Variants in SYN2 observed in about 807,000 individuals in gnomAD.
SYN2 encodes synapsin II, also known as synapsin-2.
A neutral mutation model predicts 50.9 loss-of-function variants in SYN2; 19 were observed. The observed-to-expected ratio is 0.37, with a 90% CI of 0.26 to 0.55. The LOEUF is 0.55. Among genes scored for constraint, SYN2 ranks in the 20% least tolerant of loss-of-function variants. The pLI is 0.81. For synonymous variants in SYN2, 255 were observed against 224.9 expected (o/e 1.13, Z -1.20); for missense variants, 587 against 576.4 (o/e 1.02, Z -0.19).
intron 5 of SYN2, chr3:12,156,940 AG>A (rs1180478479): frequency 5.0e-6 from 8 of 1,608,442 alleles, no homozygotes; most frequent in Non-Finnish European, 6.8e-6. Context: ...AACATCTGAC[AG>A]GCAATTACAA....
chr3:12,177,358 T>C (rs1559455640), intron 10 of SYN2, among the ~76,000 whole-genome samples: 1 of 152,206 alleles, frequency 6.6e-6, no homozygotes, highest in Non-Finnish European at 1.5e-5. Context: ...AGTGTTAGTG[T>C]ATGTGTGGCC....
At chr3:12,024,174 T>G (rs80062906) in intron 1 of SYN2, among the ~76,000 whole-genome samples, 1 of 66,504 alleles carries the variant, frequency 1.5e-5, no homozygotes, top group Non-Finnish European at 2.9e-5. Context: ...TTTTTTTTTT[T>G]GAGACAGAGT....
intron 1 of SYN2, among the ~76,000 whole-genome samples, chr3:12,028,118 T>C (rs1000425327): frequency 2.6e-4 from 36 of 138,780 alleles, no homozygotes; most frequent in African/African-American, 8.0e-4. Flanking sequence ...AGTGAGAATA[T>C]GCGGTGTTTG....
At position 12,190,808 on chromosome 3, in the gene SYN2, G is replaced by A; in HGVS notation, c.*183G>A. ...GGACCATTTGACAGTCTCAGGGCAG[G>A]TGCCTACCCAGCAAGGGGTACCTGG... On this transcript the variant is annotated 3_prime_UTR_variant, in exon 13 of 13. Coordinates refer to ENST00000621198, the MANE Select transcript of SYN2 (RefSeq NM_133625.6). The A allele has an allele frequency of 1.5e-6, 2 of 1,362,062 alleles. No individual in the cohort carries two copies. The highest frequency in any genetic ancestry group is 1.9e-6 in the Non-Finnish European group (2 of 1,064,676). The allele number at this position is 1,362,062 out of a possible 1,614,324, so 84.4% of individuals were successfully genotyped here.
intron 1 of SYN2, among the ~76,000 whole-genome samples, chr3:12,074,392 T>G (rs553740733): frequency 6.6e-6 from 1 of 152,316 alleles, no homozygotes; most frequent in South Asian, 2.1e-4. Context: ...GTTGTCTTTT[T>G]CTTTCCTGCC....
intron 1 of SYN2, among the ~76,000 whole-genome samples, chr3:12,049,892 A>T (rs1163562681): frequency 6.6e-6 from 1 of 152,184 alleles, no homozygotes; most frequent in Non-Finnish European, 1.5e-5. Context: ...AGCAGGCACC[A>T]GAACTGTGCA....
At chr3:12,026,016 C>G (rs984893840) in intron 1 of SYN2, among the ~76,000 whole-genome samples, 1 of 152,134 alleles carries the variant, frequency 6.6e-6, no homozygotes, top group African/African-American at 2.4e-5. Context: ...ATAGAAAGAG[C>G]TTATAGGTGC....
chr3:12,158,508 T>C (rs1016671206), intron 5 of SYN2: 6 of 719,982 alleles, frequency 8.3e-6, no homozygotes, highest in Non-Finnish European at 1.3e-5. Flanking sequence ...TTCATTTCCT[T>C]ATGAATCAGT....
intron 1 of SYN2, among the ~76,000 whole-genome samples, chr3:12,018,221 T>C (rs1442886750): frequency 4.6e-5 from 7 of 152,164 alleles, no homozygotes; most frequent in African/African-American, 1.7e-4. Context: ...CTTTGAAAGA[T>C]GAGTGGGATT....
chr3:12,128,863 T>C (rs1696728526), intron 1 of SYN2, among the ~76,000 whole-genome samples: 2 of 152,156 alleles, frequency 1.3e-5, no homozygotes, highest in Admixed American at 1.3e-4. Context: ...CTTGATACTT[T>C]ACATTCTCAT....
intron 5 of SYN2, among the ~76,000 whole-genome samples, chr3:12,155,519 A>G (rs1048885157): frequency 6.6e-6 from 1 of 152,116 alleles, no homozygotes; most frequent in Admixed American, 6.5e-5. Context: ...CTGGCAGCAT[A>G]CCTTCTGCAA....
At position 12,190,932 on chromosome 3, in the gene SYN2, C is replaced by CA; in HGVS notation, c.*308dup. 9.0e-7 allele frequency: 1 copy of CA among 1,111,516 alleles called. No homozygotes were observed. Among genetic ancestry groups the CA allele is most frequent in the Non-Finnish European group, 1.1e-6 (1 of 910,930 alleles). The allele number at this position is 1,111,516 out of a possible 1,614,324, so 68.9% of individuals were successfully genotyped here. On this transcript the variant is annotated 3_prime_UTR_variant, in exon 13 of 13. Coordinates refer to ENST00000621198, the MANE Select transcript of SYN2 (RefSeq NM_133625.6). ...AGTGGCCTTATTGTGACAGTGCCAT[C>CA]ATGTCTTATTCTTCCCTGTGAAACC...
chr3:12,008,605 C>A (rs1348274094), intron 1 of SYN2, among the ~76,000 whole-genome samples: 1 of 152,084 alleles, frequency 6.6e-6, no homozygotes, highest in African/African-American at 2.4e-5. Context: ...AAGGATATGC[C>A]ATTAGTGCTA....
intron 1 of SYN2, among the ~76,000 whole-genome samples, chr3:12,046,540 GAA>G (rs1694743273): frequency 6.6e-6 from 1 of 152,152 alleles, no homozygotes; most frequent in Non-Finnish European, 1.5e-5. Context: ...AGTTTTGATG[GAA>G]GAGAGACATG....
chr3:12,161,724 A>G, intron 6 of SYN2, 116 bp downstream of exon 6: 1 of 1,301,512 alleles, frequency 7.7e-7, no homozygotes, highest in Non-Finnish European at 1.1e-6. Flanking sequence ...TCCAAAGAGA[A>G]GATGATTTGC....
intron 1 of SYN2, chr3:12,071,448 G>T: frequency 2.0e-6 from 1 of 500,158 alleles, no homozygotes; most frequent in Admixed American, 2.2e-5. Flanking sequence ...TACACTTCAT[G>T]CTAGCCTCAT....
chr3:12,014,503 A>C (rs1693979044), intron 1 of SYN2, among the ~76,000 whole-genome samples: 1 of 152,248 alleles, frequency 6.6e-6, no homozygotes, highest in Admixed American at 6.5e-5. Flanking sequence ...AGAGAGCCAT[A>C]GCAGCCCACA....
intron 1 of SYN2, among the ~76,000 whole-genome samples, chr3:12,012,692 A>G (rs1226056987): frequency 6.6e-6 from 1 of 151,872 alleles, no homozygotes; most frequent in African/African-American, 2.4e-5. Context: ...CTTAACGTTG[A>G]TTTTCTTTAT....
At chr3:12,143,888 A>G (rs372616875) in intron 3 of SYN2, among the ~76,000 whole-genome samples, 2 of 152,186 alleles carry the variant, frequency 1.3e-5, no homozygotes, top group East Asian at 3.9e-4. Context: ...AGTTGTACTA[A>G]TTTACATTCC....
Sources: allele counts gnomAD v4.1 joint callset (sites outside exome capture counted in the v4.1 genomes callset), GRCh38; gene constraint gnomAD v4.1.1; transcripts MANE v1.5; gene names NCBI Gene and HGNC (gene_info 2026-07-23, HGNC 2026-07-21).